Variants in TUBGCP3 observed in about 807,000 individuals in gnomAD.
The protein encoded by TUBGCP3 is tubulin gamma complex component 3.
A neutral mutation model predicts 123.1 loss-of-function variants in TUBGCP3; 50 were observed. The ratio of observed to expected loss-of-function variants is 0.41; its 90% CI spans 0.32 to 0.51. The LOEUF is 0.51. Among genes scored for constraint, TUBGCP3 ranks in the 20% least tolerant of loss-of-function variants. The pLI, the probability that TUBGCP3 is intolerant of heterozygous loss-of-function variation, is 0.36. For synonymous variants in TUBGCP3, 405 were observed against 413.9 expected, an observed-to-expected ratio of 0.98 and a Z score of 0.26; for missense variants, 882 against 1,127.0, an observed-to-expected ratio of 0.78 and a Z score of 3.11.
intron 9 of TUBGCP3, 131 bp downstream of exon 9, chr13:112,547,977 A>T: frequency 1.1e-6 from 1 of 907,602 alleles, no homozygotes; most frequent in Non-Finnish European, 1.6e-6. Context: ...TTCAAACCTT[A>T]CAAATAATAT....
At chr13:112,497,544 C>A (rs113869547) in intron 20 of TUBGCP3, among the ~76,000 whole-genome samples, 4 of 152,220 alleles carry the variant, frequency 2.6e-5, no homozygotes, top group African/African-American at 9.6e-5. Context: ...TGAATAATGT[C>A]TTTGACAATC....
At position 112,565,804 on chromosome 13, in the gene TUBGCP3, G is replaced by A. The variant is rs915243583; in HGVS notation, c.185-626C>T. 5.3e-5 allele frequency among the ~76,000 whole-genome samples: 8 copies of A among 152,106 alleles called. 1 individual carries two copies. Among genetic ancestry groups the A allele is most frequent in the Admixed American group, 6.5e-5 (1 of 15,292 alleles). ...CAAAAAATTAGCTGGGTGTGTTAGC[G>A]GGCACCTGTAGTCCCAGCCACCTGG... On this transcript the variant is annotated intron_variant, in intron 2 of 21. Transcript: ENST00000261965.
chr13:112,547,155 C>A, intron 10 of TUBGCP3: 1 of 328,100 alleles, frequency 3.0e-6, no homozygotes, highest in Non-Finnish European at 5.5e-6. Flanking sequence ...CGAGAGTCAC[C>A]AACATGGTCC....
chr13:112,554,060 C>A lies in TUBGCP3; in HGVS notation c.963G>T (p.Gly321=). 1 of 1,612,308 alleles carries A rather than the reference C, an allele frequency of 6.2e-7. No individual in the cohort carries two copies. The highest frequency in any genetic ancestry group is 8.5e-7 in the Non-Finnish European group (1 of 1,179,588). Residue 321 remains glycine (G), a synonymous_variant, in exon 8 of 22, where the codon GGG becomes GGT. Transcript: ENST00000261965. ...ATCCTAGGAACCATGAACGCACCTG[C>A]CCGACGAGTCCGAATGAGCGGTCCA... The part of the protein sequence containing the change: ...RSLDRSFGLV[G]QSFCAALHQE...
In TUBGCP3 at chr13:112,504,067, T is replaced by C. The variant is rs1254589298; in HGVS notation, c.2272A>G (p.Ile758Val). ...IAAHEVFLDTIISRCLLDSDS... is the reference protein window; with the variant it reads ...IAAHEVFLDTVISRCLLDSDS... Reference sequence around the variant, plus strand: ...CTGTCCAGCAGGCAGCGGGAGATGATGGTGTCTAAGAACACCTCGTGTGCA... The same window carrying C: ...CTGTCCAGCAGGCAGCGGGAGATGACGGTGTCTAAGAACACCTCGTGTGCA... Residue 758 changes from isoleucine to valine, a missense_variant, in exon 19 of 22, where the codon ATC becomes GTC. Ile to Val is a conservative substitution (Grantham distance 29). Coordinates refer to ENST00000261965, the MANE Select transcript of TUBGCP3 (RefSeq NM_006322.6). The C allele has an allele frequency of 3.1e-6, 5 of 1,613,998 alleles. No homozygotes were observed. Among genetic ancestry groups the C allele is most frequent in the Non-Finnish European group, 4.2e-6 (5 of 1,180,018 alleles).
chr13:112,555,265 C>T (rs1417439577), intron 6 of TUBGCP3, among the ~76,000 whole-genome samples: 1 of 152,130 alleles, frequency 6.6e-6, no homozygotes, highest in Admixed American at 6.5e-5. Flanking sequence ...AGGCTGGACG[C>T]GGGAGCCACA....
At chr13:112,497,941 A>C (rs1462945165) in intron 20 of TUBGCP3, among the ~76,000 whole-genome samples, 1 of 152,222 alleles carries the variant, frequency 6.6e-6, no homozygotes, top group East Asian at 1.9e-4. Context: ...ATTATAGTAA[A>C]TAAAAGAAAT....
Position 112,570,643 on chromosome 13 carries a change from G to A in TUBGCP3, c.77-1384C>T, listed in dbSNP as rs368888820. On this transcript the variant is annotated intron_variant, in intron 1 of 21. Coordinates refer to ENST00000261965, the MANE Select transcript of TUBGCP3 (RefSeq NM_006322.6). ...TTGACGACTACTGACTGACCAGGGCGGTGGTTGCTGAAGGCTGTGGCAATT... is the reference window on the plus strand; with the variant it reads ...TTGACGACTACTGACTGACCAGGGCAGTGGTTGCTGAAGGCTGTGGCAATT... 1.3e-4 allele frequency among the ~76,000 whole-genome samples: 20 copies of A among 152,314 alleles called. No individual in the cohort carries two copies. The South Asian group carries it at 1.5e-3, about 11-fold the overall frequency.
chr13:112,598,241 T>C, the TUBGCP3 span, among the ~76,000 whole-genome samples: 1 of 151,882 alleles, frequency 6.6e-6, no homozygotes, highest in Non-Finnish European at 1.5e-5. Context: ...CAAAGGCTTT[T>C]TTAGAAGAAC....
chr13:112,515,738 T>C (rs1233196290), intron 17 of TUBGCP3, among the ~76,000 whole-genome samples: 1 of 152,210 alleles, frequency 6.6e-6, no homozygotes, highest in East Asian at 1.9e-4. Context: ...CATGTCAGTG[T>C]TGGCTCAGAC....
In TUBGCP3 at chr13:112,547,762, A is replaced by G; in HGVS notation, c.1036-10T>C. The G allele has an allele frequency of 6.9e-7, 1 of 1,455,776 alleles. No individual in the cohort carries two copies. Among genetic ancestry groups the G allele is most frequent in the Non-Finnish European group, 9.1e-7 (1 of 1,099,888 alleles). The allele number at this position is 1,455,776 out of a possible 1,614,324, so 90.2% of individuals were successfully genotyped here. A position where few individuals can be genotyped will look rare whatever the true frequency, so the allele number is the denominator to read the frequency against. On this transcript the variant is annotated splice_polypyrimidine_tract_variant and intron_variant, in intron 9 of 21. Coordinates refer to ENST00000261965, the MANE Select transcript of TUBGCP3 (RefSeq NM_006322.6). ...CATCCTCTAGTTGTAGCTAAAAAAC[A>G]ATAAAGATAGAAATGTTTAAGTACA...
chr13:112,509,279 A>G (rs1360692074), intron 17 of TUBGCP3, among the ~76,000 whole-genome samples: 7 of 152,182 alleles, frequency 4.6e-5, no homozygotes, highest in Admixed American at 2.0e-4. Flanking sequence ...CTGTGTAAAC[A>G]TCTGTTCTGC....
At chr13:112,587,342 G>GT (rs1365514052) in intron 1 of TUBGCP3, 1 of 152,344 alleles carries the variant, frequency 6.6e-6, no homozygotes, top group African/African-American at 2.4e-5. Flanking sequence ...AAACACGGCA[G>GT]TTACAGTCGT....
intron 17 of TUBGCP3, among the ~76,000 whole-genome samples, chr13:112,515,427 C>T (rs1876030380): frequency 6.6e-6 from 1 of 152,170 alleles, no homozygotes; most frequent in Non-Finnish European, 1.5e-5. Context: ...GGCAAGTACA[C>T]ATCCAGTTAA....
rs561240026 is a variant in TUBGCP3 at position 112,555,092 on chromosome 13, A to G, written c.722-87T>C. The G allele has an allele frequency of 6.5e-5, 52 of 794,288 alleles. No homozygotes were observed. In the East Asian group the frequency reaches 1.3e-3, roughly 20 times the overall value. The allele number at this position is 794,288 out of a possible 1,614,324, so 49.2% of individuals were successfully genotyped here. ...TATGGTGCAATTAGCTTCAGATTAG[A>G]TATTTGCCACCCCGATGAAATTTAC... On this transcript the variant is annotated intron_variant, in intron 6 of 21. Transcript: ENST00000261965.
intron 13 of TUBGCP3, among the ~76,000 whole-genome samples, chr13:112,526,028 A>G (rs1327780890): frequency 6.6e-6 from 1 of 152,172 alleles, no homozygotes; most frequent in Non-Finnish European, 1.5e-5. Flanking sequence ...AGTAATCTGT[A>G]ATATCAGCAC....
At chr13:112,596,847 G>T in the TUBGCP3 span, among the ~76,000 whole-genome samples, 1 of 152,104 alleles carries the variant, frequency 6.6e-6, no homozygotes, top group African/African-American at 2.4e-5. Context: ...TCTATTTTGG[G>T]TAATGAAAGA....
chr13:112,529,504 T>C (rs1465334382), intron 11 of TUBGCP3, among the ~76,000 whole-genome samples: 2 of 152,208 alleles, frequency 1.3e-5, no homozygotes, highest in African/African-American at 2.4e-5. Flanking sequence ...GCTTCCTCCA[T>C]CACAGTTATG....
intron 20 of TUBGCP3, among the ~76,000 whole-genome samples, chr13:112,492,195 A>G (rs3783154): frequency 0.48 from 73,051 of 152,100 alleles, 20,940 homozygotes; most frequent in South Asian, 0.67. Flanking sequence ...GAAACATTCT[A>G]TTCATATCTC....
Sources: allele counts gnomAD v4.1 joint callset (sites outside exome capture counted in the v4.1 genomes callset), GRCh38; gene constraint gnomAD v4.1.1; transcripts MANE v1.5; gene names NCBI Gene and HGNC (gene_info 2026-07-23, HGNC 2026-07-21).